ARHGEF7: variants seen among roughly 807,000 people sequenced by gnomAD.
ARHGEF7 encodes the protein Rho guanine nucleotide exchange factor 7.
In ARHGEF7, 33 loss-of-function variants were observed where a neutral mutation model predicts 109.8. The ratio of observed to expected loss-of-function variants is 0.30; its 90% CI spans 0.23 to 0.40. The LOEUF is 0.40. ARHGEF7 is among the 10% of genes least tolerant of loss of function. ARHGEF7 has a pLI of 1.00. For synonymous variants in ARHGEF7, 458 were observed against 424.6 expected, an observed-to-expected ratio of 1.08 and a Z score of -0.97; for missense variants, 938 against 1,098.5, an observed-to-expected ratio of 0.85 and a Z score of 2.07.
intron 18 of ARHGEF7, among the ~76,000 whole-genome samples, chr13:111,290,605 T>TA (rs1408113300): frequency 5.3e-5 from 8 of 152,272 alleles, no homozygotes; most frequent in Non-Finnish European, 1.5e-5. Context: ...GGTCCTGTGA[T>TA]ACGCTGCGGC....
chr13:111,133,809 ATAT>A (rs1566607107), intron 1 of ARHGEF7, among the ~76,000 whole-genome samples: 1,934 of 43,158 alleles, frequency 0.045, 169 homozygotes, highest in African/African-American at 0.05. Context: ...ATATATATAT[ATAT>A]ATTTATTATA....
At chr13:111,234,486 G>T (rs2086525497) in intron 6 of ARHGEF7, among the ~76,000 whole-genome samples, 2 of 152,180 alleles carry the variant, frequency 1.3e-5, no homozygotes, top group Non-Finnish European at 2.9e-5. Flanking sequence ...AGAATGGCGG[G>T]TGCCTCTCCC....
At chr13:111,180,271 G>C (rs1193656173) in intron 2 of ARHGEF7, among the ~76,000 whole-genome samples, 2 of 152,168 alleles carry the variant, frequency 1.3e-5, no homozygotes, top group Non-Finnish European at 1.5e-5. Flanking sequence ...TCTGAGGTCT[G>C]TTTTACTTCC....
At chr13:111,210,138 G>A in intron 4 of ARHGEF7, 136 bp downstream of exon 4, 7 of 1,155,580 alleles carry the variant, frequency 6.1e-6, no homozygotes, top group Non-Finnish European at 8.6e-6. Flanking sequence ...CCTCCGTTGT[G>A]CCTGTAATCT....
chr13:111,300,268 A>G (rs578239896), intron 19 of ARHGEF7, among the ~76,000 whole-genome samples: 9 of 152,320 alleles, frequency 5.9e-5, no homozygotes, highest in Non-Finnish European at 1.2e-4. Flanking sequence ...TTTCTAAACC[A>G]TGTGCTATGA....
In ARHGEF7 at chr13:111,115,580, G is replaced by A; in HGVS notation, c.54G>A (p.Glu18=). The change falls in exon 1 of 22, where the codon GAG becomes GAA. Residue 18 remains glutamate, a synonymous_variant. Transcript: ENST00000646102. ...GGCTCATCACTCTGGGGGTGCTGGA[G>A]TCGCCCAAAAAAACCATCTCGGACC... ...VTWLITLGVL[E]SPKKTISDPE... The A allele has an allele frequency of 7.0e-7, 1 of 1,427,498 alleles. No individual in the cohort carries two copies. The highest frequency in any genetic ancestry group is 9.3e-7 in the Non-Finnish European group (1 of 1,074,328). 88.4% of individuals were successfully genotyped at this position (1,427,498 alleles called of 1,614,324 possible).
At chr13:111,250,002 A>G (rs113298814) in intron 8 of ARHGEF7, among the ~76,000 whole-genome samples, 1,552 of 152,204 alleles carry the variant, frequency 0.01, 21 homozygotes, top group African/African-American at 0.035. Flanking sequence ...GTTACTTTCT[A>G]TATGTTTTTT....
At chr13:111,263,844 C>A (rs985962036) in intron 8 of ARHGEF7, among the ~76,000 whole-genome samples, 1 of 152,208 alleles carries the variant, frequency 6.6e-6, no homozygotes, top group Non-Finnish European at 1.5e-5. Context: ...CAGTTTGTAG[C>A]TCCTGTCACT....
intron 2 of ARHGEF7, among the ~76,000 whole-genome samples, chr13:111,185,946 T>G (rs1489367313): frequency 6.8e-6 from 1 of 146,450 alleles, no homozygotes; most frequent in Non-Finnish European, 1.5e-5. Flanking sequence ...TTTGTCACAC[T>G]GTCTTTTGGG....
chr13:111,221,574 CATATCTATATATATCTATATATAGATAT>C (rs754536588), intron 5 of ARHGEF7, among the ~76,000 whole-genome samples: 20,804 of 92,444 alleles, frequency 0.23, 3,794 homozygotes, highest in East Asian at 0.8. Flanking sequence ...TATATAGATA[CATATCTATATATATCTATATATAGATAT>C]ATATCTCCCC....
intron 2 of ARHGEF7, among the ~76,000 whole-genome samples, chr13:111,157,157 C>T (rs1310059069): frequency 6.6e-6 from 1 of 152,102 alleles, no homozygotes; most frequent in South Asian, 2.1e-4. Context: ...TATTGGTAAA[C>T]TTTGAGAAGC....
At chr13:111,269,584 C>T (rs1427566239) in intron 9 of ARHGEF7, among the ~76,000 whole-genome samples, 1 of 152,154 alleles carries the variant, frequency 6.6e-6, no homozygotes, top group African/African-American at 2.4e-5. Flanking sequence ...GCCTCCTTCC[C>T]AGGGCTGCCC....
rs116814321 is a variant in ARHGEF7, at chr13:111,174,867, G to C, written c.252+20876G>C. Among the ~76,000 whole-genome samples, 291 of 152,334 alleles carry C rather than the reference G, an allele frequency of 1.9e-3. 2 individuals are homozygous for C. The highest frequency in any genetic ancestry group is 6.9e-3 in the African/African-American group (286 of 41,568). On this transcript the variant is annotated intron_variant, in intron 2 of 21. Coordinates refer to ENST00000646102, the MANE Select transcript of ARHGEF7 (RefSeq NM_001354046.2). ...TCAGCTAGGCGTGCGAGGACTAGAA[G>C]TTGCTGACAGTCCTCGGGTTGGTTT...
chr13:111,141,005 A>G (rs139090962), intron 1 of ARHGEF7, among the ~76,000 whole-genome samples: 10 of 152,284 alleles, frequency 6.6e-5, no homozygotes, highest in Non-Finnish European at 1.3e-4. Context: ...CTTATTTTTT[A>G]GAGCAGTTTT....
chr13:111,195,675 T>A (rs561617686), intron 2 of ARHGEF7, among the ~76,000 whole-genome samples: 61 of 152,286 alleles, frequency 4.0e-4, no homozygotes, highest in Non-Finnish European at 7.1e-4. Context: ...ACCATTGCAC[T>A]CTGGGGCAGT....
At position 111,269,439 on chromosome 13, in the gene ARHGEF7, G is replaced by A. The variant is rs1045536537; in HGVS notation, c.1073+1769G>A. Reference sequence around the variant, plus strand: ...CCATTCAAGAGCAGTGCTTGCGGGCGTGTGCTGTGTTGATCCTCTTCTCTG... The same window carrying A: ...CCATTCAAGAGCAGTGCTTGCGGGCATGTGCTGTGTTGATCCTCTTCTCTG... On this transcript the variant is annotated intron_variant, in intron 9 of 21. Transcript: ENST00000646102. Among the ~76,000 whole-genome samples, 5 of 152,356 alleles carry A rather than the reference G, an allele frequency of 3.3e-5. No homozygotes were observed. In the South Asian group the frequency reaches 6.2e-4, roughly 19 times the overall value.
intron 1 of ARHGEF7, among the ~76,000 whole-genome samples, chr13:111,120,313 A>G (rs1433885400): frequency 2.0e-5 from 3 of 152,266 alleles, no homozygotes; most frequent in Non-Finnish European, 4.4e-5. Context: ...ACTAGAAACT[A>G]GTGTTTATGT....
intron 5 of ARHGEF7, among the ~76,000 whole-genome samples, chr13:111,225,957 A>G (rs758954743): frequency 6.6e-6 from 1 of 152,252 alleles, no homozygotes; most frequent in Non-Finnish European, 1.5e-5. Flanking sequence ...TGAGGAAGGC[A>G]TGTAGAAAGG....
chr13:111,290,211 G>T (rs1297679326), intron 18 of ARHGEF7, among the ~76,000 whole-genome samples: 2 of 152,130 alleles, frequency 1.3e-5, no homozygotes, highest in African/African-American at 4.8e-5. Flanking sequence ...AACAGACCAG[G>T]TTCAGTTGGC....
Sources: allele counts gnomAD v4.1 joint callset (sites outside exome capture counted in the v4.1 genomes callset), GRCh38; gene constraint gnomAD v4.1.1; transcripts MANE v1.5; gene names NCBI Gene and HGNC (gene_info 2026-07-23, HGNC 2026-07-21).